The following EMC10 variants were observed in gnomAD, a reference collection of about 807,000 sequenced individuals.
EMC10 encodes ER membrane protein complex subunit 10.
EMC10 carries 40 observed loss-of-function variants against 32.2 expected under a neutral mutation model. The ratio of observed to expected loss-of-function variants is 1.24; its 90% CI spans 0.96 to 1.61. EMC10 has a LOEUF of 1.61. Ranked by LOEUF, EMC10 falls within the 40% of genes most tolerant of loss-of-function variation. The pLI is 0.00. For missense variants in EMC10, 402 were observed against 357.7 expected, an observed-to-expected ratio of 1.12 and a Z score of -1.00; for synonymous variants, 178 against 158.4, an observed-to-expected ratio of 1.12 and a Z score of -0.93.
chr19:50,481,044 A>C, intron 6 of EMC10, 67 bp downstream of exon 6: 2 of 1,290,768 alleles, frequency 1.5e-6, no homozygotes, highest in Admixed American at 1.9e-5. Flanking sequence ...CAGGCCCTCC[A>C]TGCTCCCACC....
Position 50,477,966 on chromosome 19 carries a change from C to T in EMC10, c.152C>T (p.Thr51Met), listed in dbSNP as rs968397131. ...GGTCGAGAGGGCGAGGCCTGTGGCA[C>T]GGTGGGGCTGCTGCTGGAGCACTCA... is the stretch of plus-strand genomic sequence containing the variant. The part of the protein sequence containing the change: ...AEGREGEACG[T>M]VGLLLEHSFE... Residue 51 changes from threonine to methionine, a missense_variant, in exon 2 of 7, where the codon ACG becomes ATG. By Grantham distance (81) the Thr-to-Met change is moderately conservative (BLOSUM62 -1). Transcript: ENST00000334976. 2.4e-5 allele frequency: 39 copies of T among 1,602,176 alleles called. No homozygotes were observed. The Middle Eastern group carries it at 5.0e-4, about 20-fold the overall frequency.
In EMC10 at chr19:50,476,569, A is replaced by T. The variant is rs1039504816; in HGVS notation, c.25A>T (p.Thr9Ser). ...GATGGCGGCAGCCAGCGCTGGGGCA[A>T]CCCGGCTGCTCCTGCTCTTGCTGAT... MAAASAGA[T>S]RLLLLLLMAV... The change falls in exon 1 of 7, where the codon ACC (threonine) becomes TCC (serine). Residue 9 changes from threonine (T) to serine (S), a missense_variant. Physicochemically the swap from Thr to Ser is moderately conservative, Grantham distance 58 (BLOSUM62 1). Coordinates refer to ENST00000334976, the MANE Select transcript of EMC10 (RefSeq NM_206538.4). 2 of 1,575,074 alleles carry T rather than the reference A, an allele frequency of 1.3e-6. No individual in the cohort carries two copies. The highest frequency in any genetic ancestry group is 1.7e-6 in the Non-Finnish European group (2 of 1,166,212).
chr19:50,485,036 G>A lies in EMC10; in HGVS notation c.*2777G>A, dbSNP rs2040374638. On this transcript the variant is annotated 3_prime_UTR_variant, in exon 7 of 7. Transcript: ENST00000334976. Reference sequence around the variant, plus strand: ...TCCCCCACCTTCTTTTGACATAGCTGGGGCAGTTTCCATCTCTGGTATAAG... The same window carrying A: ...TCCCCCACCTTCTTTTGACATAGCTAGGGCAGTTTCCATCTCTGGTATAAG... The A allele has an allele frequency of 1.3e-5, 2 of 152,158 alleles. No homozygotes were observed. The highest frequency in any genetic ancestry group is 3.2e-3 in the Middle Eastern group (1 of 316). The allele number at this position is 152,158 out of a possible 1,614,324, so 9.4% of individuals were successfully genotyped here. A position where few individuals can be genotyped will look rare whatever the true frequency, so the allele number is the denominator to read the frequency against.
Position 50,483,250 on chromosome 19 carries a change from T to C in EMC10, c.*991T>C. The C allele has an allele frequency of 5.0e-6, 2 of 396,234 alleles. No homozygotes were observed. The highest frequency in any genetic ancestry group is 7.4e-5 in the East Asian group (1 of 13,488). 24.5% of individuals were successfully genotyped at this position (396,234 alleles called of 1,614,324 possible). ...AATTCACTGCTCACTTGATACGTTA[T>C]TCAGAAACCCAAGGAATGGCTGTCC... On this transcript the variant is annotated 3_prime_UTR_variant, in exon 7 of 7. Transcript: ENST00000334976.
rs1438164096 is a variant in EMC10, at chr19:50,482,921, C to T, written c.*662C>T. The T allele has an allele frequency of 1.8e-6, 1 of 564,204 alleles. No individual in the cohort carries two copies. The highest frequency in any genetic ancestry group is 3.1e-6 in the Non-Finnish European group (1 of 318,812). The allele number at this position is 564,204 out of a possible 1,614,324, so 34.9% of individuals were successfully genotyped here. On this transcript the variant is annotated 3_prime_UTR_variant, in exon 7 of 7. Coordinates refer to ENST00000334976, the MANE Select transcript of EMC10 (RefSeq NM_206538.4). ...CCTTGCCTTTAAGGTGACAGGCCCT[C>T]CACAGGCTTCCAGACTTGAAGGAAA...
rs962042543 is a variant in EMC10, at chr19:50,488,959, A to AGAGGGGGCACAGACAGCG, written c.*6703_*6720dup. The AGAGGGGGCACAGACAGCG allele has an allele frequency of 1.4e-5, 2 of 141,310 alleles. No homozygotes were observed. The highest frequency in any genetic ancestry group is 5.2e-5 in the African/African-American group (2 of 38,200). 8.8% of individuals were successfully genotyped at this position (141,310 alleles called of 1,614,324 possible). A position where few individuals can be genotyped will look rare whatever the true frequency, so the allele number is the denominator to read the frequency against. On this transcript the variant is annotated 3_prime_UTR_variant, in exon 7 of 7. Transcript: ENST00000334976. ...AAGGGTGGGAGAGAAAACGGAACAG[A>AGAGGGGGCACAGACAGCG]GAGGGGGCACAGACAGCGGACTGGA...
rs1410463216 is a variant in EMC10 at position 50,488,064 on chromosome 19, A to C, written c.*5805A>C. ...TCCCAGCACTTTGGGAGGCCAAGGC[A>C]GGCAGATCACGAGGTGAGGAGATCG... On this transcript the variant is annotated 3_prime_UTR_variant, in exon 7 of 7. Coordinates refer to ENST00000334976, the MANE Select transcript of EMC10 (RefSeq NM_206538.4). 1 of 152,304 alleles carries C rather than the reference A, an allele frequency of 6.6e-6. No individual in the cohort carries two copies. The highest frequency in any genetic ancestry group is 1.5e-5 in the Non-Finnish European group (1 of 68,258). The allele number at this position is 152,304 out of a possible 1,614,324, so 9.4% of individuals were successfully genotyped here. A position where few individuals can be genotyped will look rare whatever the true frequency, so the allele number is the denominator to read the frequency against.
chr19:50,482,042 C>T, intron 6 of EMC10, 107 bp from the exon 7 acceptor site: 1 of 1,501,112 alleles, frequency 6.7e-7, no homozygotes, highest in Non-Finnish European at 9.3e-7. Flanking sequence ...CTTACGCGAC[C>T]TCCCCTCATG....
At chr19:50,476,835 G>T in intron 1 of EMC10, 177 bp downstream of exon 1, 2 of 516,678 alleles carry the variant, frequency 3.9e-6, no homozygotes, top group Non-Finnish European at 6.8e-6. Context: ...CCAGTGCACC[G>T]GGTTGCAAGG....
chr19:50,482,862 T>G lies in EMC10; in HGVS notation c.*603T>G. 1.8e-6 allele frequency: 1 copy of G among 541,024 alleles called. No individual in the cohort carries two copies. Among genetic ancestry groups the G allele is most frequent in the Non-Finnish European group, 3.3e-6 (1 of 307,400 alleles). The allele number at this position is 541,024 out of a possible 1,614,324, so 33.5% of individuals were successfully genotyped here. A position where few individuals can be genotyped will look rare whatever the true frequency, so the allele number is the denominator to read the frequency against. ...CCTAGTGCAGCCCCTGGGGTCGTGG[T>G]TTGACATTTGTCTGCCTGGTGCAAA... is the stretch of plus-strand genomic sequence containing the variant. On this transcript the variant is annotated 3_prime_UTR_variant, in exon 7 of 7. Coordinates refer to ENST00000334976, the MANE Select transcript of EMC10 (RefSeq NM_206538.4).
chr19:50,478,289 G>C (rs1030562515), intron 2 of EMC10, among the ~76,000 whole-genome samples: 1 of 152,210 alleles, frequency 6.6e-6, no homozygotes, highest in Non-Finnish European at 1.5e-5. Flanking sequence ...TCCACGCTTT[G>C]CAAGTATTAA....
chr19:50,483,058 G>T lies in EMC10; in HGVS notation c.*799G>T. Reference sequence around the variant, plus strand: ...CCCAGCATCCTACCTGGACTGCGGTGCTACGAGGGCCTGCGGGCCTTTGCT... The same window carrying T: ...CCCAGCATCCTACCTGGACTGCGGTTCTACGAGGGCCTGCGGGCCTTTGCT... On this transcript the variant is annotated 3_prime_UTR_variant, in exon 7 of 7. Coordinates refer to ENST00000334976, the MANE Select transcript of EMC10 (RefSeq NM_206538.4). The T allele has an allele frequency of 1.9e-6, 1 of 535,558 alleles. No homozygotes were observed. Among genetic ancestry groups the T allele is most frequent in the Non-Finnish European group, 3.6e-6 (1 of 279,470 alleles). The allele number at this position is 535,558 out of a possible 1,614,324, so 33.2% of individuals were successfully genotyped here. A position where few individuals can be genotyped will look rare whatever the true frequency, so the allele number is the denominator to read the frequency against.
intron 6 of EMC10, 191 bp downstream of exon 6, chr19:50,481,168 A>T: frequency 1.8e-6 from 1 of 552,522 alleles, no homozygotes; most frequent in Non-Finnish European, 3.2e-6. Context: ...TGGTCAGGGG[A>T]GGTCGGGCCA....
Position 50,482,036 on chromosome 19 carries a change from C to T in EMC10, c.679-113C>T, listed in dbSNP as rs530769633. ...AGGGGACCTGGGCGCCCTCCCCTTA[C>T]GCGACCTCCCCTCATGCCGGTCCCC... On this transcript the variant is annotated intron_variant, in intron 6 of 6. Coordinates refer to ENST00000334976, the MANE Select transcript of EMC10 (RefSeq NM_206538.4). 3.6e-5 allele frequency: 55 copies of T among 1,519,890 alleles called. No homozygotes were observed. The Admixed American group carries it at 7.7e-4, about 21-fold the overall frequency. 94.2% of individuals were successfully genotyped at this position (1,519,890 alleles called of 1,614,324 possible). A position where few individuals can be genotyped will look rare whatever the true frequency, so the allele number is the denominator to read the frequency against.
Position 50,480,637 on chromosome 19 carries a change from C to T in EMC10, c.459C>T (p.Ala153=), listed in dbSNP as rs141268137. The T allele has an allele frequency of 5.1e-5, 80 of 1,583,498 alleles. No homozygotes were observed. Among genetic ancestry groups the T allele is most frequent in the Admixed American group, 9.0e-5 (5 of 55,520 alleles). Residue 153 remains alanine (A), a synonymous_variant, in exon 5 of 7, where the codon GCC becomes GCT. Transcript: ENST00000334976. The surrounding 1 kb of genome is among the most constrained non-coding windows in gnomAD (Gnocchi z 4.4). The part of the protein sequence containing the change: ...SDQLTLHVDV[A]GNVVGVSVVT... ...AGCTGACCCTGCACGTGGATGTGGC[C>T]GGCAACGTGGTGGGCGTGTCGGTGG...
At chr19:50,481,876 G>A (rs761982110) in intron 6 of EMC10, 1 of 1,587,714 alleles carries the variant, frequency 6.3e-7, no homozygotes, top group Non-Finnish European at 8.5e-7. Context: ...CATCATCCTG[G>A]GGGGGGCCGT....
rs2122673892 is a variant in EMC10 at position 50,486,232 on chromosome 19, C to G, written c.*3973C>G. 6.6e-6 allele frequency: 1 copy of G among 152,246 alleles called. No individual in the cohort carries two copies. The highest frequency in any genetic ancestry group is 1.9e-4 in the East Asian group (1 of 5,180). 9.4% of individuals were successfully genotyped at this position (152,246 alleles called of 1,614,324 possible). On this transcript the variant is annotated 3_prime_UTR_variant, in exon 7 of 7. Transcript: ENST00000334976. ...GTGGGATGGAGTTTCACTTGTCACC[C>G]AGGCTGGAGTGCAGTGGCTCAATTT... is the stretch of plus-strand genomic sequence containing the variant.
In EMC10 at chr19:50,487,023, T is replaced by C. The variant is rs542821024; in HGVS notation, c.*4764T>C. On this transcript the variant is annotated 3_prime_UTR_variant, in exon 7 of 7. Coordinates refer to ENST00000334976, the MANE Select transcript of EMC10 (RefSeq NM_206538.4). ...TTGCCAGGAGGTGGTAATAGAGGAT[T>C]CCACGCACTCAGAATGCCTCAGGCC... 64 of 152,266 alleles carry C rather than the reference T, an allele frequency of 4.2e-4. No homozygotes were observed. The highest frequency in any genetic ancestry group is 1.5e-3 in the African/African-American group (63 of 41,544). The allele number at this position is 152,266 out of a possible 1,614,324, so 9.4% of individuals were successfully genotyped here.
chr19:50,488,445 A>T lies in EMC10; in HGVS notation c.*6186A>T, dbSNP rs995077353. The T allele has an allele frequency of 1.3e-5, 2 of 150,568 alleles. No individual in the cohort carries two copies. Among genetic ancestry groups the T allele is most frequent in the Non-Finnish European group, 3.0e-5 (2 of 67,782 alleles). The allele number at this position is 150,568 out of a possible 1,614,324, so 9.3% of individuals were successfully genotyped here. A position where few individuals can be genotyped will look rare whatever the true frequency, so the allele number is the denominator to read the frequency against. ...GAAAGACGAGGGGGTGAAAAAAGGG[A>T]CAGGAAGGAAGAGAGGGAGAGGGTG... On this transcript the variant is annotated 3_prime_UTR_variant, in exon 7 of 7. Coordinates refer to ENST00000334976, the MANE Select transcript of EMC10 (RefSeq NM_206538.4).
Sources: allele counts gnomAD v4.1 joint callset (sites outside exome capture counted in the v4.1 genomes callset), GRCh38; gene constraint gnomAD v4.1.1; non-coding constraint Gnocchi (gnomAD v3.1); transcripts MANE v1.5; gene names NCBI Gene and HGNC (gene_info 2026-07-23, HGNC 2026-07-21).